Variants in ASIC2 observed in about 807,000 individuals in gnomAD.
ASIC2 encodes the protein acid-sensing ion channel 2.
Under a neutral mutation model 57.3 loss-of-function variants are expected in ASIC2, and 25 were observed. That is an observed-to-expected ratio of 0.44 (90% CI 0.32 to 0.61). The LOEUF (loss-of-function observed/expected upper bound fraction) is 0.61. Among genes scored for constraint, ASIC2 ranks in the 20% least tolerant of loss-of-function variants. The pLI is 0.06. For synonymous variants in ASIC2, 319 were observed against 307.5 expected, an observed-to-expected ratio of 1.04 and a Z score of -0.39; for missense variants, 641 against 738.1, an observed-to-expected ratio of 0.87 and a Z score of 1.52.
rs551958859 is a variant in ASIC2, at chr17:34,124,515, T to C, written c.555+31463A>G. ...AAGAGCCCCCTTAATCTGATGGGTT[T>C]GCCTGTTCAGCTTCAGTTATCATCC... is the stretch of plus-strand genomic sequence containing the variant. On this transcript the variant is annotated intron_variant, in intron 1 of 9. Transcript: ENST00000359872. Among the ~76,000 whole-genome samples the C allele has an allele frequency of 7.2e-4, 110 of 152,342 alleles. No individual in the cohort carries two copies. The Middle Eastern group carries it at 0.014, about 19-fold the overall frequency.
chr17:34,022,445 A>C (rs1258749318), intron 1 of ASIC2, among the ~76,000 whole-genome samples: 1 of 152,148 alleles, frequency 6.6e-6, no homozygotes, highest in Admixed American at 6.5e-5. Context: ...TATCCTACAT[A>C]AAATATTACT....
At chr17:33,568,692 T>C (rs1034016181) in intron 1 of ASIC2, among the ~76,000 whole-genome samples, 1 of 152,206 alleles carries the variant, frequency 6.6e-6, no homozygotes, top group Non-Finnish European at 1.5e-5. Context: ...ATATAATACA[T>C]ATATACATAC....
intron 1 of ASIC2, among the ~76,000 whole-genome samples, chr17:33,280,026 A>G (rs16968208): frequency 0.05 from 7,600 of 152,208 alleles, 587 homozygotes; most frequent in African/African-American, 0.16. Context: ...TCTCAGCTAC[A>G]TCATTTATTA....
At chr17:33,886,943 CA>C (rs1438998422) in intron 1 of ASIC2, among the ~76,000 whole-genome samples, 3 of 105,194 alleles carry the variant, frequency 2.9e-5, no homozygotes, top group African/African-American at 1.2e-4. Flanking sequence ...AGAAAACAAA[CA>C]AACAAACTAA....
At chr17:33,215,123 A>C (rs1301416357) in intron 1 of ASIC2, among the ~76,000 whole-genome samples, 2 of 152,234 alleles carry the variant, frequency 1.3e-5, no homozygotes, top group Non-Finnish European at 2.9e-5. Context: ...CCAAAATGAA[A>C]AGCAAAACAG....
intron 1 of ASIC2, among the ~76,000 whole-genome samples, chr17:33,380,921 A>T (rs1909465782): frequency 6.6e-6 from 1 of 152,150 alleles, no homozygotes; most frequent in South Asian, 2.1e-4. Flanking sequence ...TACACTCCTT[A>T]CTGTGCACCC....
At chr17:33,284,021 C>G (rs1905057638) in intron 1 of ASIC2, among the ~76,000 whole-genome samples, 1 of 152,158 alleles carries the variant, frequency 6.6e-6, no homozygotes, top group African/African-American at 2.4e-5. Context: ...ACGTTTTTGT[C>G]TGCTCTGTTG....
At chr17:34,072,846 G>T (rs1488008387) in intron 1 of ASIC2, among the ~76,000 whole-genome samples, 1 of 152,112 alleles carries the variant, frequency 6.6e-6, no homozygotes, top group Non-Finnish European at 1.5e-5. Flanking sequence ...TCTACTCTTG[G>T]ACGTTTAGGT....
At chr17:34,077,457 G>C (rs551226599) in intron 1 of ASIC2, among the ~76,000 whole-genome samples, 1 of 152,168 alleles carries the variant, frequency 6.6e-6, no homozygotes, top group African/African-American at 2.4e-5. Context: ...GCAACACGAC[G>C]TTTTGTCTGG....
intron 1 of ASIC2, among the ~76,000 whole-genome samples, chr17:33,864,942 G>A (rs1034383615): frequency 6.6e-6 from 1 of 152,078 alleles, no homozygotes; most frequent in Non-Finnish European, 1.5e-5. Context: ...CCAGATGTCC[G>A]TGGAATCATT....
At chr17:33,491,491 C>T (rs1040851974) in intron 1 of ASIC2, among the ~76,000 whole-genome samples, 7 of 152,258 alleles carry the variant, frequency 4.6e-5, no homozygotes, top group South Asian at 2.1e-4. Context: ...TATGGGAGAG[C>T]GGCTAATAAA....
intron 3 of ASIC2, among the ~76,000 whole-genome samples, chr17:33,035,682 A>T (rs964778495): frequency 6.6e-6 from 1 of 152,216 alleles, no homozygotes; most frequent in African/African-American, 2.4e-5. Context: ...TAATTTGGTG[A>T]GACTTATATT....
At chr17:33,550,175 A>G (rs931292077) in intron 1 of ASIC2, among the ~76,000 whole-genome samples, 2 of 152,236 alleles carry the variant, frequency 1.3e-5, no homozygotes, top group African/African-American at 4.8e-5. Context: ...CCAGATAGTA[A>G]TAAAGCATTG....
chr17:33,996,350 T>C (rs1168444376), intron 1 of ASIC2, among the ~76,000 whole-genome samples: 1 of 152,234 alleles, frequency 6.6e-6, no homozygotes, highest in Non-Finnish European at 1.5e-5. Context: ...AGTTTTTTAG[T>C]TTGATGCAAT....
At chr17:33,346,466 A>G (rs1466661439) in intron 1 of ASIC2, among the ~76,000 whole-genome samples, 8 of 151,994 alleles carry the variant, frequency 5.3e-5, no homozygotes, top group Non-Finnish European at 1.2e-4. Flanking sequence ...TGGGGTGGAT[A>G]TTTGGGATTT....
At position 33,727,050 on chromosome 17, in the gene ASIC2, T is replaced by A. The variant is rs189752719; in HGVS notation, c.555+428928A>T. On this transcript the variant is annotated intron_variant, in intron 1 of 9. Transcript: ENST00000359872. Reference sequence around the variant, plus strand: ...TGAATCTCCTAGAAGGTTTTGGTCATTACACATTCTTTCAAACAATGAATA... The same window carrying A: ...TGAATCTCCTAGAAGGTTTTGGTCAATACACATTCTTTCAAACAATGAATA... Among the ~76,000 whole-genome samples the A allele has an allele frequency of 1.2e-3, 190 of 152,304 alleles. 1 individual carries two copies. The highest frequency in any genetic ancestry group is 4.4e-3 in the African/African-American group (184 of 41,572).
chr17:33,054,463 T>G (rs530690723), intron 3 of ASIC2, among the ~76,000 whole-genome samples: 1 of 152,214 alleles, frequency 6.6e-6, no homozygotes, highest in African/African-American at 2.4e-5. Flanking sequence ...GGTTTCAGCA[T>G]CCCAGGATTC....
chr17:33,780,554 A>G (rs115643256), intron 1 of ASIC2, among the ~76,000 whole-genome samples: 234 of 152,322 alleles, frequency 1.5e-3, no homozygotes, highest in African/African-American at 5.6e-3. Flanking sequence ...AGCCAAAGGG[A>G]CCTGAGTTTG....
intron 1 of ASIC2, among the ~76,000 whole-genome samples, chr17:34,021,256 A>T (rs1040049458): frequency 5.4e-5 from 8 of 148,660 alleles, no homozygotes; most frequent in African/African-American, 1.7e-4. Flanking sequence ...AAACAAATTA[A>T]AAAAAAAAAA....
Sources: gnomAD v4.1 joint callset for allele counts (sites outside exome capture counted in the v4.1 genomes callset) on GRCh38, gnomAD v4.1.1 for gene constraint, MANE v1.5 for transcripts, NCBI Gene and HGNC (gene_info 2026-07-23, HGNC 2026-07-21) for gene names.